The following ATP13A4 variants were observed in gnomAD, a reference collection of about 807,000 sequenced individuals.
The protein encoded by ATP13A4 is probable cation-transporting ATPase 13A4.
In ATP13A4, 114 loss-of-function variants were observed where a neutral mutation model predicts 142.5. The observed-to-expected ratio is 0.80, with a 90% CI of 0.69 to 0.93. ATP13A4 has a LOEUF of 0.93. Among genes scored for constraint, ATP13A4 ranks in the 40% least tolerant of loss-of-function variants. The pLI, the probability that ATP13A4 is intolerant of heterozygous loss-of-function variation, is 0.00. For synonymous variants in ATP13A4, 488 were observed against 514.8 expected (o/e 0.95, Z 0.70); for missense variants, 1,392 against 1,454.0 (o/e 0.96, Z 0.69).
intron 28 of ATP13A4, among the ~76,000 whole-genome samples, chr3:193,409,129 G>T (rs541120045): frequency 6.6e-6 from 1 of 152,034 alleles, no homozygotes; most frequent in African/African-American, 2.4e-5. Context: ...TTTGAATTGT[G>T]AACCAAATGA....
chr3:193,419,938 T>C (rs1715323913), intron 25 of ATP13A4, among the ~76,000 whole-genome samples: 1 of 150,130 alleles, frequency 6.7e-6, no homozygotes, highest in South Asian at 2.1e-4. Context: ...GGAATACCAC[T>C]GTGCCCCATC....
chr3:193,521,404 A>G (rs1721708840), intron 1 of ATP13A4, among the ~76,000 whole-genome samples: 1 of 152,216 alleles, frequency 6.6e-6, no homozygotes, highest in Non-Finnish European at 1.5e-5. Context: ...GGAGAGTAGG[A>G]AAGGGCACTC....
intron 1 of ATP13A4, among the ~76,000 whole-genome samples, chr3:193,541,854 T>C (rs576066254): frequency 6.6e-6 from 1 of 152,310 alleles, no homozygotes; most frequent in East Asian, 1.9e-4. Flanking sequence ...GCTAAGACTA[T>C]TGAAAGAAAG....
chr3:193,589,215 A>G (rs981790076), intron 1 of ATP13A4, among the ~76,000 whole-genome samples: 2 of 152,060 alleles, frequency 1.3e-5, no homozygotes, highest in African/African-American at 2.4e-5. Context: ...TTGTGTGTGT[A>G]TATATATGTA....
intron 25 of ATP13A4, among the ~76,000 whole-genome samples, chr3:193,432,731 A>G (rs1367984681): frequency 6.6e-6 from 1 of 152,084 alleles, no homozygotes; most frequent in Non-Finnish European, 1.5e-5. Context: ...AACTTAAAGT[A>G]TAATAATAAA....
At chr3:193,415,342 C>T (rs955914467) in intron 25 of ATP13A4, among the ~76,000 whole-genome samples, 4 of 152,118 alleles carry the variant, frequency 2.6e-5, no homozygotes, top group Non-Finnish European at 5.9e-5. Flanking sequence ...CACATCTCCA[C>T]AGAAATATCA....
At chr3:193,497,484 C>T (rs1720310160) in intron 3 of ATP13A4, among the ~76,000 whole-genome samples, 1 of 152,054 alleles carries the variant, frequency 6.6e-6, no homozygotes, top group Non-Finnish European at 1.5e-5. Context: ...TAAATTAGTA[C>T]AGCCATTATG....
Position 193,441,512 on chromosome 3 carries a change from T to A in ATP13A4, c.2393A>T (p.Lys798Ile). 6.2e-7 allele frequency: 1 copy of A among 1,613,870 alleles called. No homozygotes were observed. Among genetic ancestry groups the A allele is most frequent in the South Asian group, 1.1e-5 (1 of 91,080 alleles). ...EGSYHFALTGKSFHVISQHFS... is the reference protein window; with the variant it reads ...EGSYHFALTGISFHVISQHFS... Reference sequence around the variant, plus strand: ...ATGTTGACTTATAACATGAAAGGATTTTCCAGTTAGGGCAAAATGGTAACT... The same window carrying A: ...ATGTTGACTTATAACATGAAAGGATATTCCAGTTAGGGCAAAATGGTAACT... The change falls in exon 20 of 30, where the codon AAA (lysine) becomes ATA (isoleucine). Residue 798 changes from lysine to isoleucine, a missense_variant. Transcript: ENST00000342695.
At chr3:193,531,199 T>C (rs1041742339) in intron 1 of ATP13A4, among the ~76,000 whole-genome samples, 3 of 150,842 alleles carry the variant, frequency 2.0e-5, no homozygotes, top group East Asian at 2.0e-4. Flanking sequence ...CCACCAGATA[T>C]TGAGACATAG....
chr3:193,566,734 T>C (rs763749601), intron 2 of ATP13A4, among the ~76,000 whole-genome samples: 22 of 152,204 alleles, frequency 1.4e-4, no homozygotes, highest in African/African-American at 5.3e-4. Context: ...TCAGTCCTTT[T>C]GGTCAAGGCC....
exon 2 of ATP13A4, chr3:193,581,825 T>G (rs7620342): frequency 0.52 from 79,470 of 151,944 alleles, 21,510 homozygotes; most frequent in African/African-American, 0.65. Context: ...AGCCTTGAAT[T>G]GCCAACATTT....
At position 193,554,830 on chromosome 3, in the gene ATP13A4, CT is replaced by C; in HGVS notation, c.-32del. Reference sequence around the variant, plus strand: ...AGTTATTCCACACCTCCTCCCTGACCTTGTCGTGCAGACGCTTCCAGGATGA... The same window carrying C: ...AGTTATTCCACACCTCCTCCCTGACCTGTCGTGCAGACGCTTCCAGGATGA... On this transcript the variant is annotated 5_prime_UTR_variant, in exon 1 of 30. Coordinates refer to ENST00000342695, the MANE Select transcript of ATP13A4 (RefSeq NM_032279.4). The C allele has an allele frequency of 6.2e-7, 1 of 1,613,912 alleles. No individual in the cohort carries two copies. The highest frequency in any genetic ancestry group is 1.1e-5 in the South Asian group (1 of 91,068).
intron 1 of ATP13A4, among the ~76,000 whole-genome samples, chr3:193,528,845 A>G (rs1722155262): frequency 7.2e-6 from 1 of 139,502 alleles, no homozygotes; most frequent in Non-Finnish European, 1.5e-5. Flanking sequence ...CATACACATT[A>G]TTTTACAATC....
At chr3:193,477,381 G>A (rs1343921441) in intron 8 of ATP13A4, among the ~76,000 whole-genome samples, 1 of 152,022 alleles carries the variant, frequency 6.6e-6, no homozygotes, top group African/African-American at 2.4e-5. Flanking sequence ...TTTAATCTGT[G>A]TGATAGGTAC....
chr3:193,409,194 G>A (rs1408371272), intron 28 of ATP13A4, among the ~76,000 whole-genome samples: 1 of 151,888 alleles, frequency 6.6e-6, no homozygotes, highest in African/African-American at 2.4e-5. Flanking sequence ...TTTCTAGGTT[G>A]CAAAACAACA....
At position 193,514,837 on chromosome 3, in the gene ATP13A4, T is replaced by C; in HGVS notation, c.95A>G (p.Lys32Arg). The C allele has an allele frequency of 6.2e-7, 1 of 1,614,192 alleles. No individual in the cohort carries two copies. Among genetic ancestry groups the C allele is most frequent in the Non-Finnish European group, 8.5e-7 (1 of 1,180,022 alleles). The change falls in exon 2 of 30, where the codon AAA becomes AGA. Residue 32 changes from lysine to arginine, a missense_variant. Lys to Arg is a conservative substitution (Grantham distance 26). Transcript: ENST00000342695. The stretch of plus-strand genomic sequence containing the variant: ...GATGGATCCGGCAAGGCAGAGACTT[T>C]TCCGGCAGCCTTGAGTCCGATAGCC... The part of the protein sequence containing the change: ...IFGYRTQGCR[K>R]SLCLAGSIFS...
At chr3:193,420,161 A>C (rs933254211) in intron 25 of ATP13A4, among the ~76,000 whole-genome samples, 2 of 149,800 alleles carry the variant, frequency 1.3e-5, no homozygotes, top group African/African-American at 4.9e-5. Flanking sequence ...ATAACCCAGC[A>C]CTACTGCAGC....
chr3:193,474,681 AAAG>A (rs1005391888), intron 8 of ATP13A4, among the ~76,000 whole-genome samples: 1 of 150,440 alleles, frequency 6.6e-6, no homozygotes, highest in African/African-American at 2.5e-5. Context: ...AAGAAAGAAA[AAAG>A]AAAGAAAAAG....
chr3:193,576,010 A>G lies in ATP13A4; in HGVS notation n.291+5697T>C, dbSNP rs1724383306. ...GGAAGAAGGACAGCAACTGGCACCAAGTGGGCAGAAGCCAGGGATGCTGTC... is the reference window on the plus strand; with the variant it reads ...GGAAGAAGGACAGCAACTGGCACCAGGTGGGCAGAAGCCAGGGATGCTGTC... On this transcript the variant is annotated intron_variant and non_coding_transcript_variant, in intron 2 of 3. Transcript: ENST00000489140. 2.0e-5 allele frequency among the ~76,000 whole-genome samples: 3 copies of G among 152,278 alleles called. No homozygotes were observed. In the South Asian group the frequency reaches 6.2e-4, roughly 32 times the overall value.
Sources: gnomAD v4.1 joint callset for allele counts (sites outside exome capture counted in the v4.1 genomes callset) on GRCh38, gnomAD v4.1.1 for gene constraint, MANE v1.5 for transcripts, NCBI Gene and HGNC (gene_info 2026-07-23, HGNC 2026-07-21) for gene names.